The following ADD3 variants were observed in gnomAD, a reference collection of about 807,000 sequenced individuals.
ADD3 encodes gamma-adducin.
A neutral mutation model predicts 80.2 loss-of-function variants in ADD3; 25 were observed. The observed-to-expected ratio is 0.31, with a 90% CI of 0.23 to 0.44. ADD3 has a LOEUF of 0.44. ADD3 is among the 20% of genes least tolerant of loss of function. The pLI is 1.00. For missense variants in ADD3, 829 were observed against 847.5 expected (o/e 0.98, Z 0.27); for synonymous variants, 284 against 289.6 (o/e 0.98, Z 0.20).
At chr10:110,030,624 CATT>C (rs1589793019) in intron 1 of ADD3, among the ~76,000 whole-genome samples, 1 of 151,594 alleles carries the variant, frequency 6.6e-6, no homozygotes, top group South Asian at 2.2e-4. Context: ...GTTCCACTGA[CATT>C]ATGGTAACCA....
intron 1 of ADD3, among the ~76,000 whole-genome samples, chr10:110,047,259 G>T (rs1437881430): frequency 6.6e-6 from 1 of 152,156 alleles, no homozygotes; most frequent in African/African-American, 2.4e-5. Flanking sequence ...AATTTACAAA[G>T]TAGATTTGCC....
chr10:110,071,542 C>A (rs1315524629), intron 1 of ADD3, among the ~76,000 whole-genome samples: 1 of 152,096 alleles, frequency 6.6e-6, no homozygotes, highest in Non-Finnish European at 1.5e-5. Flanking sequence ...GAACTTTTCC[C>A]AAAACAGAAA....
Position 110,089,029 on chromosome 10 carries a change from A to T in ADD3, c.-29-11596A>T, listed in dbSNP as rs185607121. On this transcript the variant is annotated intron_variant, in intron 1 of 14. Coordinates refer to ENST00000356080, the MANE Select transcript of ADD3 (RefSeq NM_016824.5). Reference sequence around the variant, plus strand: ...TAATTTCAGCTTGTGAAATAGGTAGATGTAAGATTGGAATTTGGGGAAGTT... The same window carrying T: ...TAATTTCAGCTTGTGAAATAGGTAGTTGTAAGATTGGAATTTGGGGAAGTT... 6.2e-3 allele frequency among the ~76,000 whole-genome samples: 937 copies of T among 152,270 alleles called. 7 individuals carry two copies. The highest frequency in any genetic ancestry group is 0.022 in the African/African-American group (899 of 41,552).
At chr10:110,127,353 T>C (rs1012761849) in intron 12 of ADD3, among the ~76,000 whole-genome samples, 4 of 152,236 alleles carry the variant, frequency 2.6e-5, no homozygotes, top group African/African-American at 9.6e-5. Flanking sequence ...GTGCAGTGGC[T>C]CACGCCTGTA....
intron 3 of ADD3, among the ~76,000 whole-genome samples, chr10:110,115,766 G>A (rs1850653035): frequency 6.6e-6 from 1 of 152,178 alleles, no homozygotes; most frequent in Non-Finnish European, 1.5e-5. Context: ...GCTGAACTTG[G>A]CAATTAGATC....
intron 1 of ADD3, among the ~76,000 whole-genome samples, chr10:110,048,243 G>A (rs1857115863): frequency 6.6e-6 from 1 of 152,198 alleles, no homozygotes; most frequent in South Asian, 2.1e-4. Context: ...CCAGCCACGT[G>A]GAACTGTGAG....
intron 1 of ADD3, among the ~76,000 whole-genome samples, chr10:110,053,422 T>C (rs917068346): frequency 7.0e-6 from 1 of 143,834 alleles, no homozygotes; most frequent in African/African-American, 3.0e-5. Context: ...TCTATAAAGG[T>C]CATCTCTATG....
At chr10:110,059,701 G>A (rs1019454896) in intron 1 of ADD3, among the ~76,000 whole-genome samples, 6 of 151,700 alleles carry the variant, frequency 4.0e-5, no homozygotes, top group African/African-American at 9.7e-5. Context: ...CCCAGGAGGC[G>A]GAGGTTGCAG....
intron 1 of ADD3, among the ~76,000 whole-genome samples, chr10:110,051,903 AGCG>A (rs1857558003): frequency 6.6e-6 from 1 of 152,286 alleles, no homozygotes; most frequent in African/African-American, 2.4e-5. Flanking sequence ...CCTGGGTTCA[AGCG>A]ATCCTCCAAC....
intron 1 of ADD3, among the ~76,000 whole-genome samples, chr10:110,022,165 G>A (rs890787533): frequency 1.3e-5 from 2 of 152,056 alleles, no homozygotes; most frequent in Non-Finnish European, 2.9e-5. Context: ...GATTTTGTCA[G>A]GGATGATCTA....
At chr10:110,035,150 C>T (rs557489174) in intron 1 of ADD3, among the ~76,000 whole-genome samples, 3 of 152,302 alleles carry the variant, frequency 2.0e-5, no homozygotes, top group South Asian at 4.1e-4. Context: ...AAGTGGAATT[C>T]TGAGGGAGGG....
chr10:110,042,113 T>C (rs1410377791), intron 1 of ADD3, among the ~76,000 whole-genome samples: 2 of 152,202 alleles, frequency 1.3e-5, no homozygotes, highest in African/African-American at 4.8e-5. Flanking sequence ...AAATAAACTT[T>C]GTGATTAGAT....
intron 1 of ADD3, among the ~76,000 whole-genome samples, chr10:110,082,246 A>AAAAG (rs10690043): frequency 9.2e-5 from 14 of 151,618 alleles, no homozygotes; most frequent in South Asian, 4.2e-4. Flanking sequence ...CTAAAAAAAA[A>AAAAG]CTTTGGCTGA....
chr10:110,053,611 T>A (rs546314993), intron 1 of ADD3, among the ~76,000 whole-genome samples: 1 of 152,154 alleles, frequency 6.6e-6, no homozygotes, highest in Admixed American at 6.5e-5. Context: ...TTTTTAACTT[T>A]AAAAAAATAG....
chr10:110,126,643 C>T, intron 12 of ADD3, 140 bp downstream of exon 12: 1 of 631,288 alleles, frequency 1.6e-6, no homozygotes, highest in Non-Finnish European at 2.7e-6. Context: ...AAAATGTCAC[C>T]CACAATTCCC....
chr10:110,119,029 A>G (rs1420332701), intron 6 of ADD3, among the ~76,000 whole-genome samples, 182 bp from the exon 7 acceptor site: 1 of 152,196 alleles, frequency 6.6e-6, no homozygotes, highest in Non-Finnish European at 1.5e-5. Flanking sequence ...TGTATTCCCT[A>G]AGTCCTTTTT....
intron 1 of ADD3, among the ~76,000 whole-genome samples, chr10:110,049,005 C>T (rs1484987591): frequency 6.6e-6 from 1 of 152,190 alleles, no homozygotes; most frequent in African/African-American, 2.4e-5. Flanking sequence ...GGACTGGGCC[C>T]AGAGTCCCCC....
intron 3 of ADD3, among the ~76,000 whole-genome samples, chr10:110,115,187 C>G (rs1256785808): frequency 1.3e-5 from 2 of 151,266 alleles, no homozygotes; most frequent in Non-Finnish European, 2.9e-5. Context: ...GTCAGGAGTT[C>G]AAGACCACCC....
At chr10:110,038,730 A>G (rs1029795210) in intron 1 of ADD3, among the ~76,000 whole-genome samples, 1 of 152,208 alleles carries the variant, frequency 6.6e-6, no homozygotes, top group African/African-American at 2.4e-5. Flanking sequence ...CCAAATGTGA[A>G]AAGTTAAATG....
Sources: gnomAD v4.1 joint callset for allele counts (sites outside exome capture counted in the v4.1 genomes callset) on GRCh38, gnomAD v4.1.1 for gene constraint, MANE v1.5 for transcripts, NCBI Gene and HGNC (gene_info 2026-07-23, HGNC 2026-07-21) for gene names.